The following HDAC9 variants were observed in gnomAD, a reference collection of about 807,000 sequenced individuals.
HDAC9 encodes histone deacetylase 9.
In HDAC9, 41 loss-of-function variants were observed where a neutral mutation model predicts 139.4. That is an observed-to-expected ratio of 0.29 (90% CI 0.23 to 0.38). The LOEUF (loss-of-function observed/expected upper bound fraction) is 0.38, where lower values mean the gene tolerates loss of function less well. Among genes scored for constraint, HDAC9 ranks in the 10% least tolerant of loss-of-function variants. The pLI is 1.00. For synonymous variants in HDAC9, 517 were observed against 476.2 expected (o/e 1.09, Z -1.12); for missense variants, 1,147 against 1,297.0 (o/e 0.88, Z 1.78).
chr7:18,309,866 A>G (rs1321737380), intron 1 of HDAC9, among the ~76,000 whole-genome samples: 1 of 152,218 alleles, frequency 6.6e-6, no homozygotes, highest in East Asian at 1.9e-4. Context: ...AAAAATATTT[A>G]AATATTTCAC....
At chr7:18,989,689 A>G (rs1785699392) in intron 25 of HDAC9, among the ~76,000 whole-genome samples, 1 of 148,282 alleles carries the variant, frequency 6.7e-6, no homozygotes, top group Non-Finnish European at 1.5e-5. Context: ...TTTCAGGTAC[A>G]CCAATCAGAC....
At chr7:18,418,500 G>A (rs973484175) in intron 1 of HDAC9, among the ~76,000 whole-genome samples, 1 of 150,156 alleles carries the variant, frequency 6.7e-6, no homozygotes, top group Non-Finnish European at 1.5e-5. Context: ...TAGTATGATT[G>A]TGGGTAATTT....
In HDAC9 at chr7:18,742,222, A is replaced by C. The variant is rs187350762; in HGVS notation, c.1910-6783A>C. 2.0e-5 allele frequency among the ~76,000 whole-genome samples: 3 copies of C among 152,316 alleles called. No individual in the cohort carries two copies. The East Asian group carries it at 5.8e-4, about 29-fold the overall frequency. ...TACAGAGAAATGTTTTGTGAAAGGA[A>C]GATTTCATGGATGTTGCAAACTTCA... is the stretch of plus-strand genomic sequence containing the variant. On this transcript the variant is annotated intron_variant, in intron 13 of 25. Transcript: ENST00000686413.
At chr7:18,420,475 T>G (rs1789513998) in intron 1 of HDAC9, among the ~76,000 whole-genome samples, 1 of 152,198 alleles carries the variant, frequency 6.6e-6, no homozygotes, top group Non-Finnish European at 1.5e-5. Flanking sequence ...TCTTTATGGT[T>G]TTAGTTACAG....
chr7:18,160,021 AG>A (rs879636176), intron 1 of HDAC9, among the ~76,000 whole-genome samples: 3 of 152,278 alleles, frequency 2.0e-5, no homozygotes, highest in Admixed American at 2.0e-4. Context: ...CATGTCATGG[AG>A]AGTTGTTGTG....
chr7:18,923,254 A>G (rs1189594691), intron 22 of HDAC9, among the ~76,000 whole-genome samples: 1 of 152,000 alleles, frequency 6.6e-6, no homozygotes, highest in Non-Finnish European at 1.5e-5. Flanking sequence ...TTTTTGAAAA[A>G]TCTAAACTCA....
intron 1 of HDAC9, among the ~76,000 whole-genome samples, chr7:18,464,103 A>G (rs1379955681): frequency 1.3e-5 from 2 of 151,862 alleles, no homozygotes; most frequent in Non-Finnish European, 2.9e-5. Flanking sequence ...AACATATTTC[A>G]TTTTCCTTTG....
intron 23 of HDAC9, among the ~76,000 whole-genome samples, chr7:18,937,078 C>T (rs531995874): frequency 9.3e-4 from 117 of 125,894 alleles, no homozygotes; most frequent in Non-Finnish European, 1.6e-3. Context: ...CTCGCTCTGT[C>T]GCCCAGGCTG....
intron 13 of HDAC9, among the ~76,000 whole-genome samples, chr7:18,735,139 C>T (rs982763717): frequency 6.6e-6 from 1 of 152,072 alleles, no homozygotes; most frequent in Non-Finnish European, 1.5e-5. Context: ...GCATAATAGC[C>T]CTTTGTCAGA....
intron 2 of HDAC9, among the ~76,000 whole-genome samples, chr7:18,173,857 C>A (rs916532662): frequency 4.6e-5 from 7 of 152,198 alleles, no homozygotes; most frequent in African/African-American, 1.7e-4. Context: ...TCTGACCTTT[C>A]TTTCTGGCTG....
At chr7:18,122,674 A>G (rs1418654208) in intron 1 of HDAC9, among the ~76,000 whole-genome samples, 1 of 152,162 alleles carries the variant, frequency 6.6e-6, no homozygotes, top group Non-Finnish European at 1.5e-5. Context: ...GCTGGAATGC[A>G]ACAGCATGAT....
chr7:18,472,905 A>C (rs1794831265), intron 1 of HDAC9, among the ~76,000 whole-genome samples: 1 of 152,200 alleles, frequency 6.6e-6, no homozygotes, highest in Non-Finnish European at 1.5e-5. Context: ...ACAGCACCTG[A>C]TGTACTGGGT....
chr7:18,211,007 A>G (rs1158204404), intron 2 of HDAC9, among the ~76,000 whole-genome samples: 1 of 152,328 alleles, frequency 6.6e-6, no homozygotes, highest in Middle Eastern at 3.4e-3. Context: ...GACCACAGTT[A>G]CTTAAAATGC....
chr7:18,392,096 G>C (rs1786540930), intron 1 of HDAC9, among the ~76,000 whole-genome samples: 1 of 152,110 alleles, frequency 6.6e-6, no homozygotes, highest in South Asian at 2.1e-4. Flanking sequence ...GAGTCACACA[G>C]ATTTGTATTC....
At chr7:18,875,259 G>C (rs922986981) in intron 22 of HDAC9, among the ~76,000 whole-genome samples, 2 of 151,770 alleles carry the variant, frequency 1.3e-5, no homozygotes, top group Non-Finnish European at 2.9e-5. Flanking sequence ...TCTCTGAGTG[G>C]GAAAAAAGGT....
At chr7:18,784,268 G>A (rs565878521) in intron 16 of HDAC9, among the ~76,000 whole-genome samples, 9 of 150,622 alleles carry the variant, frequency 6.0e-5, no homozygotes, top group Admixed American at 1.3e-4. Context: ...CTTTTCTTTC[G>A]TGTCTCACCT....
At chr7:18,210,603 G>A (rs577906843) in intron 2 of HDAC9, among the ~76,000 whole-genome samples, 1 of 152,302 alleles carries the variant, frequency 6.6e-6, no homozygotes, top group East Asian at 1.9e-4. Context: ...TCCAGAATCA[G>A]AGAAGTATTG....
At chr7:18,969,626 T>C (rs1342937459) in intron 24 of HDAC9, among the ~76,000 whole-genome samples, 1 of 151,758 alleles carries the variant, frequency 6.6e-6, no homozygotes, top group Non-Finnish European at 1.5e-5. Flanking sequence ...AGAGTAAACA[T>C]AATGAAGAGA....
At chr7:18,264,953 G>C (rs2128209241) in intron 2 of HDAC9, among the ~76,000 whole-genome samples, 1 of 152,008 alleles carries the variant, frequency 6.6e-6, no homozygotes, top group East Asian at 1.9e-4. Context: ...TTTATTATAG[G>C]CTTTAGTGCC....
Sources: allele counts gnomAD v4.1 joint callset (sites outside exome capture counted in the v4.1 genomes callset), GRCh38; gene constraint gnomAD v4.1.1; transcripts MANE v1.5; gene names NCBI Gene and HGNC (gene_info 2026-07-23, HGNC 2026-07-21).